PARD3B: variants seen among roughly 807,000 people sequenced by gnomAD.
PARD3B encodes the protein partitioning defective 3 homolog B.
A neutral mutation model predicts 130.2 loss-of-function variants in PARD3B; 103 were observed. The observed-to-expected ratio is 0.79, with a 90% CI of 0.67 to 0.93. The LOEUF is 0.93. Ranked by LOEUF, PARD3B falls within the 40% of genes least tolerant of loss-of-function variation. The pLI, the probability that PARD3B is intolerant of heterozygous loss-of-function variation, is 0.00. For missense variants in PARD3B, 1,609 were observed against 1,499.2 expected (o/e 1.07, Z -1.21); for synonymous variants, 583 against 553.2 (o/e 1.05, Z -0.76).
chr2:204,664,509 AT>A lies in PARD3B; in HGVS notation c.121-21663del, dbSNP rs1004776474. Among the ~76,000 whole-genome samples, 27 of 151,710 alleles carry A rather than the reference AT, an allele frequency of 1.8e-4. No individual in the cohort carries two copies. Among genetic ancestry groups the A allele is most frequent in the South Asian group, 1.0e-3 (5 of 4,788 alleles). On this transcript the variant is annotated intron_variant, in intron 1 of 22. Transcript: ENST00000406610. The surrounding 1 kb of genome is among the most constrained non-coding windows in gnomAD (Gnocchi z 5.2). Reference sequence around the variant, plus strand: ...CATTGGTCTGCTATATTGAATGCTGATTTTTTTTTCCAGTTTGACATGATAG... The same window carrying A: ...CATTGGTCTGCTATATTGAATGCTGATTTTTTTTCCAGTTTGACATGATAG...
intron 20 of PARD3B, among the ~76,000 whole-genome samples, chr2:205,443,476 A>G (rs1188863187): frequency 6.6e-6 from 1 of 152,230 alleles, no homozygotes; most frequent in Non-Finnish European, 1.5e-5. Flanking sequence ...CAACACATGT[A>G]GAAATGGATC....
Position 204,669,356 on chromosome 2 carries a change from A to G in PARD3B, c.121-16825A>G, listed in dbSNP as rs114453720. On this transcript the variant is annotated intron_variant, in intron 1 of 22. Coordinates refer to ENST00000406610, the MANE Select transcript of PARD3B (RefSeq NM_001302769.2). This position sits in a 1 kb window ranked among gnomAD's most constrained non-coding sequence, Gnocchi z 4.3. The stretch of plus-strand genomic sequence containing the variant: ...TTTTTTTACCTATACAAAATTGGAT[A>G]ATTTGTTTTGCTATTGAATGTGATT... Among the ~76,000 whole-genome samples, 5,747 of 152,164 alleles carry G rather than the reference A, an allele frequency of 0.038. 169 individuals carry two copies. Among genetic ancestry groups the G allele is most frequent in the Non-Finnish European group, 0.06 (4,067 of 67,988 alleles).
At position 205,577,403 on chromosome 2, in the gene PARD3B, G is replaced by A. The variant is rs576704425; in HGVS notation, c.3260+24000G>A. ...TGTCCATCAGGGCCAAGAGAAGCAA[G>A]TGCTTGAGGAAAATATTTTCCTTCA... On this transcript the variant is annotated intron_variant, in intron 22 of 22. Coordinates refer to ENST00000406610, the MANE Select transcript of PARD3B (RefSeq NM_001302769.2). 9.8e-5 allele frequency among the ~76,000 whole-genome samples: 15 copies of A among 152,304 alleles called. No homozygotes were observed. The South Asian group carries it at 3.1e-3, about 32-fold the overall frequency.
intron 21 of PARD3B, among the ~76,000 whole-genome samples, chr2:205,526,485 A>T (rs1373823307): frequency 6.6e-6 from 1 of 152,214 alleles, no homozygotes; most frequent in Non-Finnish European, 1.5e-5. Flanking sequence ...AGTCTGCAGC[A>T]GCTCTGGGGC....
intron 1 of PARD3B, among the ~76,000 whole-genome samples, chr2:204,653,287 A>T (rs1262872833): frequency 2.6e-4 from 3 of 11,564 alleles, no homozygotes; most frequent in South Asian, 5.0e-3. Context: ...TTAAAATTAA[A>T]AAAAAAAAAA....
At chr2:204,626,269 G>C (rs1443624947) in intron 1 of PARD3B, among the ~76,000 whole-genome samples, 1 of 152,006 alleles carries the variant, frequency 6.6e-6, no homozygotes, top group Admixed American at 6.6e-5. Flanking sequence ...TTTCTGTGTG[G>C]TACTCTTTTC....
intron 20 of PARD3B, among the ~76,000 whole-genome samples, chr2:205,475,497 G>A (rs1406980847): frequency 6.6e-6 from 1 of 152,128 alleles, no homozygotes; most frequent in African/African-American, 2.4e-5. Flanking sequence ...TCATCGCAGA[G>A]AGCAAAGCTT....
intron 2 of PARD3B, among the ~76,000 whole-genome samples, chr2:204,758,201 G>T (rs1026462157): frequency 1.3e-5 from 2 of 152,100 alleles, no homozygotes; most frequent in Non-Finnish European, 2.9e-5. Context: ...TGGCAGCTGA[G>T]CCCCAAGATG....
intron 2 of PARD3B, among the ~76,000 whole-genome samples, chr2:204,777,826 G>T (rs146842241): frequency 9.2e-5 from 14 of 152,192 alleles, no homozygotes; most frequent in African/African-American, 3.1e-4. Flanking sequence ...CTCATATGTC[G>T]AGGGAGGGAA....
At chr2:205,451,889 T>G (rs1173687237) in intron 20 of PARD3B, among the ~76,000 whole-genome samples, 2 of 152,208 alleles carry the variant, frequency 1.3e-5, no homozygotes, top group African/African-American at 4.8e-5. Flanking sequence ...GTCACCCTGT[T>G]GTGCTATCAA....
rs115773739 is a variant in PARD3B at position 205,107,719 on chromosome 2, T to C, written c.593+3205T>C. On this transcript the variant is annotated intron_variant, in intron 5 of 22. Transcript: ENST00000406610. ...AGCAAAACTGTTAACTGCTCACCCATTATTAACGCAAACATCTTTATTTAA... is the reference window on the plus strand; with the variant it reads ...AGCAAAACTGTTAACTGCTCACCCACTATTAACGCAAACATCTTTATTTAA... 4.1e-3 allele frequency among the ~76,000 whole-genome samples: 625 copies of C among 152,326 alleles called. 4 individuals are homozygous for C. Among genetic ancestry groups the C allele is most frequent in the African/African-American group, 0.014 (601 of 41,574 alleles).
At chr2:204,589,773 C>T (rs2032997997) in intron 1 of PARD3B, among the ~76,000 whole-genome samples, 1 of 152,106 alleles carries the variant, frequency 6.6e-6, no homozygotes, top group African/African-American at 2.4e-5. Flanking sequence ...GTGCCATTGA[C>T]AAAATTAGGG....
chr2:205,443,146 T>C (rs1162539993), intron 20 of PARD3B, among the ~76,000 whole-genome samples: 1 of 152,206 alleles, frequency 6.6e-6, no homozygotes, highest in African/African-American at 2.4e-5. Context: ...TCATTGTTAC[T>C]ATTATTATTA....
rs139869982 is a variant in PARD3B, at chr2:205,605,456, G to A, written c.3261-10000G>A. ...ATTGTTGTTGCTTCCTTTTAGTTGT[G>A]TGTGTGTGTTTTGTTTTGTTGTTTT... On this transcript the variant is annotated intron_variant, in intron 22 of 22. Coordinates refer to ENST00000406610, the MANE Select transcript of PARD3B (RefSeq NM_001302769.2). Among the ~76,000 whole-genome samples, 505 of 152,162 alleles carry A rather than the reference G, an allele frequency of 3.3e-3. 4 individuals are homozygous for A. The highest frequency in any genetic ancestry group is 0.011 in the African/African-American group (453 of 41,524).
Position 204,890,072 on chromosome 2 carries a change from G to A in PARD3B, c.223-75080G>A, listed in dbSNP as rs1240342239. Among the ~76,000 whole-genome samples, 3 of 152,112 alleles carry A rather than the reference G, an allele frequency of 2.0e-5. No individual in the cohort carries two copies. The highest frequency in any genetic ancestry group is 4.4e-5 in the Non-Finnish European group (3 of 68,020). ...TTGGCATATGTTCTCTGGGACTATC[G>A]GTTTTATTGCAACTGGATGCAGAAT... On this transcript the variant is annotated intron_variant, in intron 2 of 22. Coordinates refer to ENST00000406610, the MANE Select transcript of PARD3B (RefSeq NM_001302769.2). The surrounding 1 kb of genome is among the most constrained non-coding windows in gnomAD (Gnocchi z 4.9).
intron 15 of PARD3B, among the ~76,000 whole-genome samples, chr2:205,194,742 T>C (rs1182333135): frequency 6.6e-6 from 1 of 151,846 alleles, no homozygotes; most frequent in Non-Finnish European, 1.5e-5. Context: ...ACCAAAGACA[T>C]GTGCAGAATC....
chr2:205,420,573 GTGGAAC>G (rs940680663), intron 19 of PARD3B, among the ~76,000 whole-genome samples: 1 of 152,156 alleles, frequency 6.6e-6, no homozygotes, highest in African/African-American at 2.4e-5. Flanking sequence ...CTTTGCTTCA[GTGGAAC>G]TGTCTGGGTG....
intron 19 of PARD3B, among the ~76,000 whole-genome samples, chr2:205,419,279 C>T (rs1001395320): frequency 1.3e-5 from 2 of 151,918 alleles, no homozygotes; most frequent in African/African-American, 2.4e-5. Context: ...CACAAGTTCT[C>T]TCTCTTTGCT....
At chr2:204,982,517 C>G (rs906012459) in intron 3 of PARD3B, among the ~76,000 whole-genome samples, 1 of 152,214 alleles carries the variant, frequency 6.6e-6, no homozygotes, top group South Asian at 2.1e-4. Context: ...ATTCTGATAG[C>G]TCTCTTTCTT....
Sources: gnomAD v4.1 joint callset for allele counts (sites outside exome capture counted in the v4.1 genomes callset) on GRCh38, gnomAD v4.1.1 for gene constraint, Gnocchi (gnomAD v3.1) non-coding constraint, MANE v1.5 for transcripts, NCBI Gene and HGNC (gene_info 2026-07-23, HGNC 2026-07-21) for gene names.